The following NBAS variants were observed in gnomAD, a reference collection of about 807,000 sequenced individuals.
The protein encoded by NBAS is NBAS subunit of NRZ tethering complex, also known as NAG/BC035112 fusion.
NBAS carries 219 observed loss-of-function variants against 302.5 expected under a neutral mutation model. That is an observed-to-expected ratio of 0.72 (90% confidence interval 0.65 to 0.81). NBAS has a LOEUF of 0.81. NBAS is among the 30% of genes least tolerant of loss of function. The probability of loss-of-function intolerance (pLI) is 0.00; values close to 1 mark genes in which losing one functional copy is unlikely to be tolerated. For synonymous variants in NBAS, 1,118 were observed against 1,021.6 expected, an observed-to-expected ratio of 1.09 and a Z score of -1.80; for missense variants, 2,932 against 2,841.6, an observed-to-expected ratio of 1.03 and a Z score of -0.72.
At chr2:15,274,944 T>G (rs1414609018) in intron 44 of NBAS, among the ~76,000 whole-genome samples, 1 of 151,294 alleles carries the variant, frequency 6.6e-6, no homozygotes, top group Admixed American at 6.6e-5. Flanking sequence ...TTTTTTTTTT[T>G]GGTTTTTTTT....
In NBAS at chr2:15,404,477, C is replaced by G. The variant is rs536864471; in HGVS notation, c.2938-2176G>C. On this transcript the variant is annotated intron_variant, in intron 25 of 51. Transcript: ENST00000281513. ...TGTTCTCCCCACTTCCTATCTTTCC[C>G]TCTGTGAGACATTAAATAATCACTT... Among the ~76,000 whole-genome samples the G allele has an allele frequency of 4.2e-4, 64 of 151,972 alleles. 2 individuals are homozygous for G. The South Asian group carries it at 0.013, about 32-fold the overall frequency.
chr2:15,105,781 T>G, the NBAS span, among the ~76,000 whole-genome samples: 4 of 152,142 alleles, frequency 2.6e-5, no homozygotes, highest in African/African-American at 4.8e-5. Context: ...ATAGGTACAG[T>G]GCAACATGGC....
chr2:15,438,798 C>G (rs192612071), intron 21 of NBAS, among the ~76,000 whole-genome samples: 1 of 152,166 alleles, frequency 6.6e-6, no homozygotes, highest in Admixed American at 6.5e-5. Flanking sequence ...TGGGAGGGGT[C>G]CCTCTAGTCA....
intron 48 of NBAS, among the ~76,000 whole-genome samples, chr2:15,206,327 T>A (rs867948945): frequency 5.3e-5 from 8 of 152,026 alleles, no homozygotes; most frequent in African/African-American, 1.9e-4. Flanking sequence ...AAGTGTACAC[T>A]CATATGCACA....
At chr2:15,203,239 T>C (rs1665966910) in intron 48 of NBAS, among the ~76,000 whole-genome samples, 1 of 152,210 alleles carries the variant, frequency 6.6e-6, no homozygotes, top group Non-Finnish European at 1.5e-5. Flanking sequence ...TATCATTCTG[T>C]CATACTTTAG....
the NBAS span, among the ~76,000 whole-genome samples, chr2:14,920,093 A>C: frequency 1.3e-5 from 2 of 152,236 alleles, no homozygotes; most frequent in Non-Finnish European, 2.9e-5. Context: ...TTTCCCAAAT[A>C]ATAAGACTTG....
chr2:14,888,791 A>C, the NBAS span, among the ~76,000 whole-genome samples: 1 of 152,228 alleles, frequency 6.6e-6, no homozygotes, highest in African/African-American at 2.4e-5. Context: ...TGTCAGCTCC[A>C]AAGAGGAAGA....
chr2:15,077,802 G>C, the NBAS span, among the ~76,000 whole-genome samples: 1 of 151,670 alleles, frequency 6.6e-6, no homozygotes, highest in Non-Finnish European at 1.5e-5. Flanking sequence ...TCCTGCCTCA[G>C]CCTCCTGAGT....
At chr2:15,075,379 C>T in the NBAS span, among the ~76,000 whole-genome samples, 2 of 152,138 alleles carry the variant, frequency 1.3e-5, no homozygotes, top group African/African-American at 2.4e-5. Flanking sequence ...TGGAATCAGC[C>T]GCTTGGATGC....
the NBAS span, among the ~76,000 whole-genome samples, chr2:15,115,503 A>G: frequency 6.6e-6 from 1 of 152,152 alleles, no homozygotes; most frequent in South Asian, 2.1e-4. Context: ...AAAATTATTT[A>G]TAATAACTTT....
At chr2:14,898,696 C>G in the NBAS span, among the ~76,000 whole-genome samples, 1 of 152,200 alleles carries the variant, frequency 6.6e-6, no homozygotes, top group Non-Finnish European at 1.5e-5. Context: ...TCCTCATTCT[C>G]TCTTTGCCTG....
chr2:15,226,280 T>G (rs1012074068), intron 47 of NBAS, among the ~76,000 whole-genome samples: 2 of 152,228 alleles, frequency 1.3e-5, no homozygotes, highest in Admixed American at 1.3e-4. Flanking sequence ...TAGATGTTCA[T>G]TAGGATTTTT....
the NBAS span, among the ~76,000 whole-genome samples, chr2:15,092,504 T>C: frequency 6.6e-6 from 1 of 152,194 alleles, no homozygotes; most frequent in Non-Finnish European, 1.5e-5. Context: ...AATTAATTGC[T>C]TCTGAATTTT....
At position 15,256,526 on chromosome 2, in the gene NBAS, G is replaced by A. The variant is rs1668604185; in HGVS notation, c.5725-17840C>T. On this transcript the variant is annotated intron_variant, in intron 44 of 51. Coordinates refer to ENST00000281513, the MANE Select transcript of NBAS (RefSeq NM_015909.4). The stretch of plus-strand genomic sequence containing the variant: ...TGTTTGACTTCTTCTTTACCAATAT[G>A]GACACCCTTTATTTTTTTCTCTTGT... Among the ~76,000 whole-genome samples the A allele has an allele frequency of 6.6e-5, 10 of 151,828 alleles. 1 individual carries two copies. Among genetic ancestry groups the A allele is most frequent in the Admixed American group, 6.6e-4 (10 of 15,226 alleles).
chr2:15,301,858 T>C (rs901709721), intron 40 of NBAS, among the ~76,000 whole-genome samples: 1 of 152,136 alleles, frequency 6.6e-6, no homozygotes, highest in African/African-American at 2.4e-5. Flanking sequence ...GTTTTTGGTA[T>C]GGCTGCAGCA....
the NBAS span, among the ~76,000 whole-genome samples, chr2:15,107,805 A>G: frequency 6.6e-6 from 1 of 152,150 alleles, no homozygotes; most frequent in African/African-American, 2.4e-5. Flanking sequence ...AAATATTTCT[A>G]TCACTCAGAG....
the NBAS span, among the ~76,000 whole-genome samples, chr2:14,980,970 T>C: frequency 6.7e-6 from 1 of 149,860 alleles, no homozygotes; most frequent in African/African-American, 2.5e-5. Context: ...AGAAAGTAGA[T>C]CTAAAAGACA....
intron 44 of NBAS, among the ~76,000 whole-genome samples, chr2:15,253,175 C>T (rs1668438504): frequency 1.3e-5 from 2 of 152,254 alleles, no homozygotes; most frequent in East Asian, 1.9e-4. Context: ...TATATTCTCA[C>T]CAAAAACAGT....
At chr2:14,827,214 A>G in the NBAS span, among the ~76,000 whole-genome samples, 1 of 152,252 alleles carries the variant, frequency 6.6e-6, no homozygotes, top group African/African-American at 2.4e-5. Flanking sequence ...TGAATTCAAA[A>G]GAAACTGCAT....
Sources: gnomAD v4.1 joint callset for allele counts (sites outside exome capture counted in the v4.1 genomes callset) on GRCh38, gnomAD v4.1.1 for gene constraint, MANE v1.5 for transcripts, NCBI Gene and HGNC (gene_info 2026-07-23, HGNC 2026-07-21) for gene names.